Variants in RNF150 observed in about 807,000 individuals in gnomAD.
RNF150 encodes the protein ring finger protein 150.
In RNF150, 24 loss-of-function variants were observed where a neutral mutation model predicts 39.3. The ratio of observed to expected loss-of-function variants is 0.61; its 90% confidence interval spans 0.44 to 0.86. The LOEUF is 0.86. Among genes scored for constraint, RNF150 ranks in the 40% least tolerant of loss-of-function variants. RNF150 has a pLI of 0.00. For synonymous variants in RNF150, 255 were observed against 227.3 expected (o/e 1.12, Z -1.10); for missense variants, 502 against 587.8 (o/e 0.85, Z 1.51).
chr4:141,205,006 T>C (rs1376835247), intron 1 of RNF150, among the ~76,000 whole-genome samples: 1 of 152,198 alleles, frequency 6.6e-6, no homozygotes, highest in African/African-American at 2.4e-5. Context: ...TTAACCCATT[T>C]GGGATAAACA....
At chr4:141,054,688 AGC>A (rs1276614865) in intron 1 of RNF150, among the ~76,000 whole-genome samples, 1 of 152,170 alleles carries the variant, frequency 6.6e-6, no homozygotes, top group East Asian at 1.9e-4. Context: ...AGACATAAAT[AGC>A]AACCTTCTCT....
intron 1 of RNF150, among the ~76,000 whole-genome samples, chr4:141,072,232 G>T (rs571894772): frequency 6.6e-6 from 1 of 152,182 alleles, no homozygotes; most frequent in African/African-American, 2.4e-5. Context: ...TTATGAAAGA[G>T]CCAGGTAAAA....
At chr4:140,916,089 T>C (rs1402898161) in intron 5 of RNF150, among the ~76,000 whole-genome samples, 3 of 151,902 alleles carry the variant, frequency 2.0e-5, no homozygotes, top group African/African-American at 4.8e-5. Flanking sequence ...ACCAAAAAGA[T>C]GGGGAAAAAA....
rs182721026 is a variant in RNF150, at chr4:140,962,939, G to A, written c.735+4684C>T. Among the ~76,000 whole-genome samples, 256 of 151,874 alleles carry A rather than the reference G, an allele frequency of 1.7e-3. 1 individual carries two copies. The highest frequency in any genetic ancestry group is 6.0e-3 in the African/African-American group (248 of 41,492). On this transcript the variant is annotated intron_variant, in intron 2 of 6. Coordinates refer to ENST00000515673, the MANE Select transcript of RNF150 (RefSeq NM_020724.2). ...AGAGGGACATACTATTCAATAAAAA[G>A]CAGAACATAAAACATACATGGATAT...
chr4:140,995,737 T>C (rs77778645), intron 1 of RNF150, among the ~76,000 whole-genome samples: 11,526 of 152,242 alleles, frequency 0.076, 488 homozygotes, highest in Middle Eastern at 0.16. Flanking sequence ...GTTTGTCTTT[T>C]GGTGCCCCAC....
chr4:141,111,793 A>T (rs999828015), intron 1 of RNF150, among the ~76,000 whole-genome samples: 1 of 152,148 alleles, frequency 6.6e-6, no homozygotes, highest in East Asian at 1.9e-4. Context: ...CAAAATATAC[A>T]CTTTACATAC....
chr4:141,156,734 TAAAA>T (rs3081645), intron 1 of RNF150, among the ~76,000 whole-genome samples: 2 of 96,634 alleles, frequency 2.1e-5, no homozygotes, highest in Admixed American at 1.2e-4. Context: ...TCTCTACTAC[TAAAA>T]AAAAAAAAAA....
intron 1 of RNF150, among the ~76,000 whole-genome samples, chr4:141,070,308 GA>G (rs1297842506): frequency 1.3e-5 from 2 of 151,830 alleles, no homozygotes; most frequent in Non-Finnish European, 2.9e-5. Flanking sequence ...TACCATTCAG[GA>G]CATAGGCATG....
At chr4:141,008,597 G>C (rs1277062316) in intron 1 of RNF150, among the ~76,000 whole-genome samples, 1 of 152,114 alleles carries the variant, frequency 6.6e-6, no homozygotes, top group Non-Finnish European at 1.5e-5. Context: ...ATGGGGCAGG[G>C]TTCAAAGGCC....
chr4:140,887,322 C>T (rs1729611280), intron 6 of RNF150, among the ~76,000 whole-genome samples: 1 of 152,170 alleles, frequency 6.6e-6, no homozygotes, highest in African/African-American at 2.4e-5. Context: ...GATAAATACA[C>T]ATGCATATAA....
chr4:141,009,808 C>T (rs530736754), intron 1 of RNF150, among the ~76,000 whole-genome samples: 15 of 152,052 alleles, frequency 9.9e-5, no homozygotes, highest in Non-Finnish European at 1.9e-4. Context: ...TTATATTTGA[C>T]TTTGATTTTG....
chr4:140,920,341 G>GA (rs1413649120), intron 5 of RNF150, among the ~76,000 whole-genome samples: 1 of 104,504 alleles, frequency 9.6e-6, no homozygotes, highest in Non-Finnish European at 2.0e-5. Flanking sequence ...AAATTTACAA[G>GA]AAAAAAACAA....
At chr4:140,924,831 A>C (rs1731323466) in intron 5 of RNF150, among the ~76,000 whole-genome samples, 1 of 152,242 alleles carries the variant, frequency 6.6e-6, no homozygotes, top group Non-Finnish European at 1.5e-5. Context: ...GTGTGTTCAG[A>C]GTATCAACCA....
chr4:141,178,244 A>ATGTGTG (rs112444817), intron 1 of RNF150, among the ~76,000 whole-genome samples: 1 of 149,046 alleles, frequency 6.7e-6, no homozygotes, highest in South Asian at 2.2e-4. Flanking sequence ...GTGTGTGTGT[A>ATGTGTG]TGTGTGTGTG....
At chr4:141,100,973 T>G (rs904922982) in intron 1 of RNF150, among the ~76,000 whole-genome samples, 1 of 152,208 alleles carries the variant, frequency 6.6e-6, no homozygotes, top group African/African-American at 2.4e-5. Flanking sequence ...TAATCATGAA[T>G]GGCGCTTCTA....
chr4:141,096,802 T>C (rs2111024455), intron 1 of RNF150, among the ~76,000 whole-genome samples: 1 of 152,340 alleles, frequency 6.6e-6, no homozygotes, highest in Non-Finnish European at 1.5e-5. Flanking sequence ...GACCTCAAAG[T>C]CCTGCTTAAG....
rs141562145 is a variant in RNF150 at position 140,895,720 on chromosome 4, T to C, written c.1198+15424A>G. Among the ~76,000 whole-genome samples the C allele has an allele frequency of 6.5e-3, 992 of 152,360 alleles. 9 individuals carry two copies. The highest frequency in any genetic ancestry group is 9.0e-3 in the Non-Finnish European group (609 of 68,032). On this transcript the variant is annotated intron_variant, in intron 6 of 6. Transcript: ENST00000515673. ...CCTTGTTGTCTTATCCTTTTTCTTA[T>C]GGTAGTTAATTTTATGACACCAAAG...
At chr4:141,075,616 C>A (rs1447670280) in intron 1 of RNF150, among the ~76,000 whole-genome samples, 3 of 152,220 alleles carry the variant, frequency 2.0e-5, no homozygotes, top group African/African-American at 7.2e-5. Flanking sequence ...ATATTCACTG[C>A]AGCTTCTGAA....
chr4:141,058,260 AG>A (rs11306269), intron 1 of RNF150, among the ~76,000 whole-genome samples: 19,373 of 152,028 alleles, frequency 0.13, 1,563 homozygotes, highest in East Asian at 0.35. Context: ...TAAAGAAAGA[AG>A]GGTGGAAGGG....
Sources: allele counts gnomAD v4.1 joint callset (sites outside exome capture counted in the v4.1 genomes callset), GRCh38; gene constraint gnomAD v4.1.1; transcripts MANE v1.5; gene names NCBI Gene and HGNC (gene_info 2026-07-23, HGNC 2026-07-21).